The following DRG1 variants were observed in gnomAD, a reference collection of about 807,000 sequenced individuals.
DRG1 encodes developmentally regulated GTP binding protein 1.
DRG1 carries 19 observed loss-of-function variants against 38.8 expected under a neutral mutation model. The observed-to-expected ratio is 0.49, with a 90% confidence interval of 0.34 to 0.72. The LOEUF (loss-of-function observed/expected upper bound fraction) is 0.72, where lower values mean the gene tolerates loss of function less well. Among genes scored for constraint, DRG1 ranks in the 30% least tolerant of loss-of-function variants. The pLI is 0.01. For missense variants in DRG1, 299 were observed against 444.8 expected, an observed-to-expected ratio of 0.67 and a Z score of 2.95; for synonymous variants, 167 against 157.5, an observed-to-expected ratio of 1.06 and a Z score of -0.45.
At chr22:31,415,417 C>T (rs767758244) in intron 4 of DRG1, among the ~76,000 whole-genome samples, 7 of 152,116 alleles carry the variant, frequency 4.6e-5, no homozygotes, top group East Asian at 3.8e-4. Context: ...TATCTTCTCC[C>T]GTTAATTTTG....
intron 6 of DRG1, among the ~76,000 whole-genome samples, chr22:31,425,714 T>C (rs1442073765): frequency 6.6e-6 from 1 of 152,220 alleles, no homozygotes; most frequent in East Asian, 1.9e-4. Flanking sequence ...GTGTTGGGAT[T>C]ATAGGCATAA....
Position 31,434,326 on chromosome 22 carries a change from C to A in DRG1, c.*355C>A. On this transcript the variant is annotated 3_prime_UTR_variant, in exon 9 of 9. Transcript: ENST00000331457. The stretch of plus-strand genomic sequence containing the variant: ...TAAAAATATGACATGCTGCATCTTA[C>A]TTGATGTTTACTTATGGGAACCCCT... 4.5e-6 allele frequency: 1 copy of A among 220,690 alleles called. No individual in the cohort carries two copies. The highest frequency in any genetic ancestry group is 9.0e-6 in the Non-Finnish European group (1 of 110,752). 13.7% of individuals were successfully genotyped at this position (220,690 alleles called of 1,614,324 possible). A position where few individuals can be genotyped will look rare whatever the true frequency, so the allele number is the denominator to read the frequency against.
At chr22:31,405,325 AC>A (rs933312421) in intron 3 of DRG1, among the ~76,000 whole-genome samples, 2 of 151,524 alleles carry the variant, frequency 1.3e-5, no homozygotes, top group African/African-American at 4.8e-5. Flanking sequence ...ATGCCACCAC[AC>A]CTGGCTAATT....
chr22:31,404,549 T>C (rs1176258286), intron 3 of DRG1, among the ~76,000 whole-genome samples: 1 of 151,916 alleles, frequency 6.6e-6, no homozygotes, highest in African/African-American at 2.4e-5. Flanking sequence ...CTCGCCTGCT[T>C]TAACTTCTAA....
chr22:31,416,455 T>G (rs1601529734), intron 4 of DRG1, among the ~76,000 whole-genome samples: 1 of 152,240 alleles, frequency 6.6e-6, no homozygotes, highest in East Asian at 1.9e-4. Flanking sequence ...GTCACTGGGC[T>G]TAAGATATCA....
At chr22:31,404,383 G>A (rs988456838) in intron 3 of DRG1, among the ~76,000 whole-genome samples, 2 of 151,338 alleles carry the variant, frequency 1.3e-5, no homozygotes, top group African/African-American at 4.9e-5. Context: ...TGGGACTACA[G>A]GCACGCACCC....
At chr22:31,429,536 T>C (rs539018769) in intron 8 of DRG1, among the ~76,000 whole-genome samples, 2 of 152,316 alleles carry the variant, frequency 1.3e-5, no homozygotes, top group African/African-American at 4.8e-5. Flanking sequence ...GAGCTCTTGG[T>C]TATTTTATTC....
intron 4 of DRG1, among the ~76,000 whole-genome samples, chr22:31,419,909 G>A (rs2050066729): frequency 6.6e-6 from 1 of 152,146 alleles, no homozygotes; most frequent in Non-Finnish European, 1.5e-5. Context: ...CAGGCATGGT[G>A]GCATGTGCCT....
At chr22:31,429,023 T>C (rs2050125648) in intron 8 of DRG1, among the ~76,000 whole-genome samples, 1 of 152,190 alleles carries the variant, frequency 6.6e-6, no homozygotes, top group Non-Finnish European at 1.5e-5. Context: ...GTAGTATTTT[T>C]CTCTCCGTAT....
intron 6 of DRG1, among the ~76,000 whole-genome samples, chr22:31,423,838 C>T (rs1291072237): frequency 1.4e-5 from 2 of 144,282 alleles, no homozygotes; most frequent in Non-Finnish European, 3.0e-5. Context: ...GTGCTACTAT[C>T]TTAAATGATA....
chr22:31,431,019 T>TCCCCCCCCCCCCCCCCC (rs10570678), intron 8 of DRG1, among the ~76,000 whole-genome samples: 1 of 81,018 alleles, frequency 1.2e-5, no homozygotes, highest in Admixed American at 1.7e-4. Flanking sequence ...CACCCGGCCT[T>TCCCCCCCCCCCCCCCCC]CCCCCCCCCC....
intron 4 of DRG1, among the ~76,000 whole-genome samples, chr22:31,411,583 G>A (rs1170364289): frequency 2.7e-5 from 4 of 145,634 alleles, no homozygotes; most frequent in Non-Finnish European, 6.0e-5. Flanking sequence ...AGGCTGGAGT[G>A]CAGTGGGAGA....
At chr22:31,423,491 G>T in intron 6 of DRG1, 81 bp downstream of exon 6, 70 of 1,185,620 alleles carry the variant, frequency 5.9e-5, no homozygotes, top group Middle Eastern at 4.2e-4. Context: ...GAATCTGGCA[G>T]AAGTTTATCT....
intron 3 of DRG1, among the ~76,000 whole-genome samples, chr22:31,405,658 C>G (rs935874668): frequency 6.7e-6 from 1 of 150,342 alleles, no homozygotes; most frequent in Admixed American, 6.7e-5. Context: ...TAGGCTCATA[C>G]TGTTGGGCAT....
chr22:31,409,163 C>A (rs2050005294), intron 3 of DRG1, among the ~76,000 whole-genome samples: 1 of 152,130 alleles, frequency 6.6e-6, no homozygotes, highest in Non-Finnish European at 1.5e-5. Flanking sequence ...CGGCTCACTG[C>A]AACCTTCGAC....
intron 3 of DRG1, among the ~76,000 whole-genome samples, chr22:31,409,555 C>T (rs374382562): frequency 6.6e-6 from 1 of 152,228 alleles, no homozygotes; most frequent in African/African-American, 2.4e-5. Flanking sequence ...TGCTTAAGAA[C>T]GGCTACAAAA....
In DRG1 at chr22:31,434,136, C is replaced by CTT; in HGVS notation, c.*166_*167dup. 2 of 595,848 alleles carry CTT rather than the reference C, an allele frequency of 3.4e-6. No individual in the cohort carries two copies. Among genetic ancestry groups the CTT allele is most frequent in the Non-Finnish European group, 6.0e-6 (2 of 332,566 alleles). The allele number at this position is 595,848 out of a possible 1,614,324, so 36.9% of individuals were successfully genotyped here. Reference sequence around the variant, plus strand: ...TTCATTTGTCTTACCTTGGTGTCACCTTGTATGTCGAACTGCATAAAAGAT... The same window carrying CTT: ...TTCATTTGTCTTACCTTGGTGTCACCTTTTGTATGTCGAACTGCATAAAAGAT... On this transcript the variant is annotated 3_prime_UTR_variant, in exon 9 of 9. Transcript: ENST00000331457.
intron 1 of DRG1, 33 bp downstream of exon 1, chr22:31,399,758 C>G: frequency 6.2e-7 from 1 of 1,613,946 alleles, no homozygotes; most frequent in Non-Finnish European, 8.5e-7. Flanking sequence ...CACTCTTAGT[C>G]TGAGCATTCC....
chr22:31,426,432 T>C, intron 6 of DRG1, 183 bp from the exon 7 acceptor site: 1 of 548,166 alleles, frequency 1.8e-6, no homozygotes, highest in South Asian at 2.6e-5. Context: ...AGGGCCTGAC[T>C]TCTGTTACTT....
Sources: gnomAD v4.1 joint callset for allele counts (sites outside exome capture counted in the v4.1 genomes callset) on GRCh38, gnomAD v4.1.1 for gene constraint, MANE v1.5 for transcripts, NCBI Gene and HGNC (gene_info 2026-07-23, HGNC 2026-07-21) for gene names.